Variants in RFX7 observed in about 807,000 individuals in gnomAD.
The protein encoded by RFX7 is DNA-binding protein RFX7.
RFX7 carries 26 observed loss-of-function variants against 111.8 expected under a neutral mutation model. The ratio of observed to expected loss-of-function variants is 0.23; its 90% CI spans 0.17 to 0.32. The LOEUF (loss-of-function observed/expected upper bound fraction) is 0.32, where lower values mean the gene tolerates loss of function less well. Ranked by LOEUF, RFX7 falls within the 10% of genes least tolerant of loss-of-function variation. The pLI, the probability that RFX7 is intolerant of heterozygous loss-of-function variation, is 1.00. For missense variants in RFX7, 1,573 were observed against 1,772.9 expected, an observed-to-expected ratio of 0.89 and a Z score of 2.02; for synonymous variants, 624 against 624.4, an observed-to-expected ratio of 1.00 and a Z score of 0.01.
intron 2 of RFX7, among the ~76,000 whole-genome samples, chr15:56,215,002 C>T (rs1271311884): frequency 1.3e-5 from 2 of 152,096 alleles, no homozygotes; most frequent in Admixed American, 6.5e-5. Flanking sequence ...ATTTTAAAGA[C>T]AGTGTTTTAA....
intron 3 of RFX7, among the ~76,000 whole-genome samples, chr15:56,155,055 GA>G (rs1166841185): frequency 3.9e-5 from 6 of 152,158 alleles, no homozygotes; most frequent in African/African-American, 1.4e-4. Flanking sequence ...CTAGAGAAAT[GA>G]AAATGGGAAC....
At chr15:56,236,952 T>A (rs1482534561) in intron 2 of RFX7, among the ~76,000 whole-genome samples, 1 of 152,190 alleles carries the variant, frequency 6.6e-6, no homozygotes, top group Non-Finnish European at 1.5e-5. Context: ...TAATCTCACA[T>A]AACAGAACCC....
intron 2 of RFX7, among the ~76,000 whole-genome samples, chr15:56,181,288 C>T (rs1567039092): frequency 6.6e-6 from 1 of 152,206 alleles, no homozygotes; most frequent in Non-Finnish European, 1.5e-5. Flanking sequence ...TATAACTTAT[C>T]CCTTTACTTT....
At chr15:56,186,399 T>C (rs1156496370) in intron 2 of RFX7, among the ~76,000 whole-genome samples, 4 of 152,212 alleles carry the variant, frequency 2.6e-5, no homozygotes, top group Non-Finnish European at 5.9e-5. Flanking sequence ...GCTTACGACC[T>C]TTCTTAAGTA....
chr15:56,145,654 T>C (rs1288775473), intron 3 of RFX7, among the ~76,000 whole-genome samples: 1 of 152,192 alleles, frequency 6.6e-6, no homozygotes, highest in Non-Finnish European at 1.5e-5. Flanking sequence ...ATCATCACCT[T>C]CTTTTCTCTA....
At chr15:56,109,719 G>A (rs1362613556) in intron 5 of RFX7, among the ~76,000 whole-genome samples, 2 of 151,928 alleles carry the variant, frequency 1.3e-5, no homozygotes, top group Admixed American at 6.5e-5. Context: ...GATGTGAGGA[G>A]CGTCTCTGCC....
At chr15:56,179,426 A>T in intron 2 of RFX7, 123 bp from the exon 3 acceptor site, 1 of 302,178 alleles carries the variant, frequency 3.3e-6, no homozygotes, top group Non-Finnish European at 6.3e-6. Flanking sequence ...GCTTCCTATT[A>T]AGATTAGGGA....
chr15:56,154,998 T>C (rs2042632324), intron 3 of RFX7, among the ~76,000 whole-genome samples: 1 of 152,140 alleles, frequency 6.6e-6, no homozygotes, highest in Middle Eastern at 3.2e-3. Context: ...AAAGAAGACA[T>C]TTATGCAGCC....
At chr15:56,214,451 C>T (rs1596014232) in intron 2 of RFX7, among the ~76,000 whole-genome samples, 1 of 151,614 alleles carries the variant, frequency 6.6e-6, no homozygotes, top group African/African-American at 2.4e-5. Context: ...CGCGGTGGCT[C>T]ACGCCTGTAA....
rs151243423 is a variant in RFX7, at chr15:56,223,592, G to C, written c.161+19533C>G. On this transcript the variant is annotated intron_variant, in intron 2 of 9. Transcript: ENST00000559447. Reference sequence around the variant, plus strand: ...TAAGGCTGGTCCTGGAAGTTAAAATGTATCAATTAATTTTTATATACTTTT... The same window carrying C: ...TAAGGCTGGTCCTGGAAGTTAAAATCTATCAATTAATTTTTATATACTTTT... 5.1e-3 allele frequency among the ~76,000 whole-genome samples: 771 copies of C among 152,188 alleles called. 11 individuals carry two copies. The highest frequency in any genetic ancestry group is 0.018 in the African/African-American group (744 of 41,538).
intron 2 of RFX7, among the ~76,000 whole-genome samples, chr15:56,187,183 C>T (rs1472629729): frequency 6.6e-6 from 1 of 151,194 alleles, no homozygotes; most frequent in Non-Finnish European, 1.5e-5. Context: ...AGGAAGTTAG[C>T]CTTAAATGAG....
intron 3 of RFX7, among the ~76,000 whole-genome samples, chr15:56,151,970 A>G (rs940252665): frequency 1.3e-5 from 2 of 152,232 alleles, no homozygotes; most frequent in Non-Finnish European, 2.9e-5. Flanking sequence ...AGGGCATTAC[A>G]TAATGGTAAA....
At chr15:56,140,517 G>A (rs1475035749) in intron 5 of RFX7, among the ~76,000 whole-genome samples, 1 of 152,196 alleles carries the variant, frequency 6.6e-6, no homozygotes, top group Non-Finnish European at 1.5e-5. Flanking sequence ...CCCACTGTCT[G>A]GCACTCCCTA....
intron 5 of RFX7, among the ~76,000 whole-genome samples, chr15:56,116,760 T>C (rs1490073692): frequency 6.6e-6 from 1 of 152,210 alleles, no homozygotes; most frequent in African/African-American, 2.4e-5. Context: ...TAAGAAATTA[T>C]GGTATATATT....
At position 56,138,881 on chromosome 15, in the gene RFX7, G is replaced by C. The variant is rs1196867339; in HGVS notation, c.401+3897C>G. On this transcript the variant is annotated intron_variant, in intron 5 of 9. Transcript: ENST00000559447. ...ATTTCTCCTTCGCTTATGAAGCTTG[G>C]TTTGGCTGGATATGAAATTCTGGGT... Among the ~76,000 whole-genome samples the C allele has an allele frequency of 2.0e-5, 3 of 152,056 alleles. 1 individual carries two copies. The highest frequency in any genetic ancestry group is 7.3e-5 in the African/African-American group (3 of 41,354).
intron 2 of RFX7, among the ~76,000 whole-genome samples, chr15:56,194,086 A>G (rs2043124907): frequency 6.6e-6 from 1 of 152,186 alleles, no homozygotes; most frequent in Non-Finnish European, 1.5e-5. Context: ...CTTGTTTGCT[A>G]GAAACATTTC....
chr15:56,232,381 T>C (rs1195937885), intron 2 of RFX7, among the ~76,000 whole-genome samples: 1 of 152,188 alleles, frequency 6.6e-6, no homozygotes, highest in East Asian at 1.9e-4. Flanking sequence ...ACCAAGTCTC[T>C]AGGTTGCAAA....
chr15:56,194,160 GGA>G (rs1334083942), intron 2 of RFX7, among the ~76,000 whole-genome samples: 1 of 151,966 alleles, frequency 6.6e-6, no homozygotes, highest in Non-Finnish European at 1.5e-5. Context: ...AAATATTCTA[GGA>G]GACTCTCACT....
chr15:56,188,125 G>C (rs1298712461), intron 2 of RFX7, among the ~76,000 whole-genome samples: 3 of 151,972 alleles, frequency 2.0e-5, no homozygotes, highest in Admixed American at 2.0e-4. Context: ...TGGAAGTTAT[G>C]AAAAAAACCA....
Sources: gnomAD v4.1 joint callset for allele counts (sites outside exome capture counted in the v4.1 genomes callset) on GRCh38, gnomAD v4.1.1 for gene constraint, MANE v1.5 for transcripts, NCBI Gene and HGNC (gene_info 2026-07-23, HGNC 2026-07-21) for gene names.